The following PTPN13 variants were observed in gnomAD, a reference collection of about 807,000 sequenced individuals.
The protein encoded by PTPN13 is tyrosine-protein phosphatase non-receptor type 13.
PTPN13 carries 191 observed loss-of-function variants against 284.0 expected under a neutral mutation model. The observed-to-expected ratio is 0.67, with a 90% CI of 0.60 to 0.76. The LOEUF is 0.76. Among genes scored for constraint, PTPN13 ranks in the 30% least tolerant of loss-of-function variants. The pLI is 0.00. For missense variants in PTPN13, 2,797 were observed against 2,939.9 expected (o/e 0.95, Z 1.12); for synonymous variants, 986 against 1,022.3 (o/e 0.96, Z 0.68).
intron 3 of PTPN13, among the ~76,000 whole-genome samples, chr4:86,678,102 A>G (rs1262586111): frequency 2.0e-5 from 3 of 152,210 alleles, no homozygotes; most frequent in African/African-American, 2.4e-5. Context: ...AAGCTATTAT[A>G]TCTTATAAAC....
chr4:86,680,976 T>TA (rs1373459150), intron 3 of PTPN13, among the ~76,000 whole-genome samples: 3 of 152,300 alleles, frequency 2.0e-5, no homozygotes, highest in Non-Finnish European at 4.4e-5. Flanking sequence ...GAGTGGACCT[T>TA]ACTCTCAAAG....
At chr4:86,657,032 G>A (rs1725915970) in intron 2 of PTPN13, among the ~76,000 whole-genome samples, 1 of 152,232 alleles carries the variant, frequency 6.6e-6, no homozygotes, top group Admixed American at 6.5e-5. Context: ...GCCAGGAGCA[G>A]GATATTATCT....
intron 1 of PTPN13, among the ~76,000 whole-genome samples, chr4:86,634,958 C>G (rs1328728831): frequency 1.3e-5 from 2 of 152,078 alleles, no homozygotes; most frequent in Non-Finnish European, 2.9e-5. Flanking sequence ...TATTTTGGTG[C>G]CTCCTAGTAC....
At chr4:86,728,386 C>T (rs1232072052) in intron 10 of PTPN13, among the ~76,000 whole-genome samples, 1 of 148,824 alleles carries the variant, frequency 6.7e-6, no homozygotes, top group East Asian at 1.9e-4. Context: ...CCTTCTGTCT[C>T]CTTATCTGTC....
chr4:86,685,760 A>G (rs537413984), intron 3 of PTPN13, among the ~76,000 whole-genome samples: 3 of 152,362 alleles, frequency 2.0e-5, no homozygotes, highest in South Asian at 2.1e-4. Context: ...AAACTCTTAC[A>G]TGTACTTCTG....
intron 6 of PTPN13, among the ~76,000 whole-genome samples, chr4:86,695,604 A>G (rs770758822): frequency 1.3e-5 from 2 of 152,106 alleles, no homozygotes; most frequent in South Asian, 4.1e-4. Context: ...TAGATTTAAA[A>G]GACATTTTTG....
chr4:86,703,348 A>G (rs1399410909), intron 7 of PTPN13, among the ~76,000 whole-genome samples: 1 of 152,102 alleles, frequency 6.6e-6, no homozygotes, highest in African/African-American at 2.4e-5. Flanking sequence ...ATGTTGTACA[A>G]CAGCTAGTAT....
chr4:86,810,053 G>C, intron 46 of PTPN13, 69 bp downstream of exon 46: 1 of 1,280,410 alleles, frequency 7.8e-7, no homozygotes, highest in East Asian at 2.5e-5. Context: ...TTTTGATAAT[G>C]TGTTGTGATC....
intron 1 of PTPN13, among the ~76,000 whole-genome samples, chr4:86,608,557 C>T (rs1178794796): frequency 6.6e-6 from 1 of 151,948 alleles, no homozygotes; most frequent in African/African-American, 2.4e-5. Context: ...AAATTTAATT[C>T]CTCAAAATAA....
intron 41 of PTPN13, among the ~76,000 whole-genome samples, chr4:86,797,728 T>C (rs1402994530): frequency 6.7e-6 from 1 of 149,164 alleles, no homozygotes; most frequent in Admixed American, 6.7e-5. Context: ...TTTCTATACT[T>C]CAAAATTTTT....
chr4:86,805,044 A>G (rs1339365307), intron 43 of PTPN13, among the ~76,000 whole-genome samples: 1 of 152,228 alleles, frequency 6.6e-6, no homozygotes, highest in African/African-American at 2.4e-5. Context: ...TAAGACACAA[A>G]GTTCTGTCTC....
At chr4:86,793,032 G>A (rs1742864813) in intron 40 of PTPN13, among the ~76,000 whole-genome samples, 1 of 152,138 alleles carries the variant, frequency 6.6e-6, no homozygotes, top group South Asian at 2.1e-4. Flanking sequence ...GTGTGTATGG[G>A]CTAAATGCCC....
intron 2 of PTPN13, among the ~76,000 whole-genome samples, chr4:86,635,799 A>G (rs1250524487): frequency 8.6e-5 from 13 of 152,010 alleles, no homozygotes; most frequent in Admixed American, 6.6e-4. Flanking sequence ...CCCCATCTCT[A>G]CTAAAAATAC....
intron 24 of PTPN13, 41 bp from the exon 25 acceptor site, chr4:86,764,552 T>G: frequency 7.5e-7 from 1 of 1,336,564 alleles, no homozygotes; most frequent in East Asian, 2.9e-5. Context: ...TAATTCATTT[T>G]GACTCTAACA....
At chr4:86,705,201 G>A (rs1034678006) in intron 7 of PTPN13, among the ~76,000 whole-genome samples, 94 of 151,914 alleles carry the variant, frequency 6.2e-4, no homozygotes, top group Non-Finnish European at 1.5e-4. Context: ...TGGTGTGGTG[G>A]TACATGCCTG....
At chr4:86,809,436 G>A (rs1323996240) in intron 45 of PTPN13, among the ~76,000 whole-genome samples, 1 of 152,072 alleles carries the variant, frequency 6.6e-6, no homozygotes, top group African/African-American at 2.4e-5. Flanking sequence ...AGTGGCTCAC[G>A]CCTGTAATCT....
intron 16 of PTPN13, 108 bp downstream of exon 16, chr4:86,741,924 A>G: frequency 1.2e-6 from 1 of 805,730 alleles, no homozygotes; most frequent in Non-Finnish European, 1.9e-6. Context: ...TGGGGATAAT[A>G]CATCTTAATA....
chr4:86,675,783 T>C (rs1728208609), intron 3 of PTPN13, among the ~76,000 whole-genome samples: 1 of 152,188 alleles, frequency 6.6e-6, no homozygotes, highest in African/African-American at 2.4e-5. Context: ...TGGGTAATTT[T>C]CTACTTCCTG....
chr4:86,773,093 T>G (rs1406339608), intron 32 of PTPN13, 135 bp downstream of exon 32: 7 of 642,472 alleles, frequency 1.1e-5, no homozygotes, highest in Non-Finnish European at 1.7e-5. Context: ...ATAACATATC[T>G]GGTATGTTTC....
Sources: allele counts gnomAD v4.1 joint callset (sites outside exome capture counted in the v4.1 genomes callset), GRCh38; gene constraint gnomAD v4.1.1; transcripts MANE v1.5; gene names NCBI Gene and HGNC (gene_info 2026-07-23, HGNC 2026-07-21).